The following XRN1 variants were observed in gnomAD, a reference collection of about 807,000 sequenced individuals.
XRN1 encodes strand-exchange protein 1 homolog.
In XRN1, 67 loss-of-function variants were observed where a neutral mutation model predicts 222.3. The ratio of observed to expected loss-of-function variants is 0.30; its 90% CI spans 0.25 to 0.37. XRN1 has a LOEUF of 0.37. Ranked by LOEUF, XRN1 falls within the 10% of genes least tolerant of loss-of-function variation. The pLI is 1.00. For missense variants in XRN1, 1,707 were observed against 2,000.2 expected, an observed-to-expected ratio of 0.85 and a Z score of 2.80; for synonymous variants, 643 against 652.4, an observed-to-expected ratio of 0.99 and a Z score of 0.22.
In XRN1 at chr3:142,384,718, T is replaced by C. The variant is rs376296557; in HGVS notation, c.2340-33A>G. The C allele has an allele frequency of 1.9e-5, 28 of 1,464,508 alleles. No homozygotes were observed. In the East Asian group the frequency reaches 3.8e-4, roughly 20 times the overall value. The allele number at this position is 1,464,508 out of a possible 1,614,324, so 90.7% of individuals were successfully genotyped here. On this transcript the variant is annotated intron_variant, in intron 20 of 40. Coordinates refer to ENST00000392981, the MANE Select transcript of XRN1 (RefSeq NM_001282857.2). ...AAAGAATAAACATGAAATATACATATGAATGAGTATGCAGATATTCTAGGA... is the reference window on the plus strand; with the variant it reads ...AAAGAATAAACATGAAATATACATACGAATGAGTATGCAGATATTCTAGGA...
chr3:142,439,263 A>G (rs990028518), intron 1 of XRN1, among the ~76,000 whole-genome samples: 4 of 152,196 alleles, frequency 2.6e-5, no homozygotes, highest in African/African-American at 9.7e-5. Context: ...GCAGCCCGAG[A>G]GTTTGGCAAT....
At chr3:142,420,781 T>C (rs915871349) in intron 10 of XRN1, among the ~76,000 whole-genome samples, 2 of 152,078 alleles carry the variant, frequency 1.3e-5, no homozygotes, top group South Asian at 4.1e-4. Flanking sequence ...TTTATTAACA[T>C]AAAACACAAT....
Position 142,365,307 on chromosome 3 carries a change from T to C in XRN1, c.3261+3A>G. ...ACTCTGAATTCTTTGATAGGAAACT[T>C]ACTCTGTATAGCAAATGGGGTTTCA... On this transcript the variant is annotated splice_donor_region_variant and intron_variant, in intron 28 of 40. Transcript: ENST00000392981. 6.3e-7 allele frequency: 1 copy of C among 1,592,892 alleles called. No individual in the cohort carries two copies. The highest frequency in any genetic ancestry group is 8.5e-7 in the Non-Finnish European group (1 of 1,170,600).
intron 1 of XRN1, among the ~76,000 whole-genome samples, chr3:142,446,173 C>T (rs1341055239): frequency 1.3e-5 from 2 of 152,202 alleles, no homozygotes; most frequent in Non-Finnish European, 2.9e-5. Context: ...GCTACTGAGG[C>T]CACACCACTG....
intron 37 of XRN1, among the ~76,000 whole-genome samples, chr3:142,327,236 G>A (rs1456943358): frequency 6.6e-6 from 1 of 151,958 alleles, no homozygotes; most frequent in Non-Finnish European, 1.5e-5. Context: ...ACCAGGTCCT[G>A]GTCTACTTTG....
rs1186653105 is a variant in XRN1, at chr3:142,384,624, G to A, written c.2401C>T (p.Leu801Phe). ...TTTATTTGATATTTACGACCTGTGA[G>A]TAACTGAGCATACACAACTGCAGAT... The part of the protein sequence containing the change: ...ETSAVVYAQL[L>F]TGRKYQINQN... Residue 801 changes from leucine (L) to phenylalanine (F), a missense_variant, in exon 21 of 41, where the codon CTC becomes TTC. Transcript: ENST00000392981. 2.5e-6 allele frequency: 4 copies of A among 1,611,512 alleles called. No homozygotes were observed. The highest frequency in any genetic ancestry group is 3.4e-6 in the Non-Finnish European group (4 of 1,178,942).
chr3:142,400,211 A>G (rs1351164414), intron 19 of XRN1, among the ~76,000 whole-genome samples: 1 of 152,252 alleles, frequency 6.6e-6, no homozygotes, highest in Non-Finnish European at 1.5e-5. Context: ...TAGAACTTCC[A>G]AGAAATTAAA....
chr3:142,447,042 A>G lies in XRN1; in HGVS notation c.75+828T>C, dbSNP rs140017432. Among the ~76,000 whole-genome samples, 637 of 152,326 alleles carry G rather than the reference A, an allele frequency of 4.2e-3. 12 individuals carry two copies. Among genetic ancestry groups the G allele is most frequent in the African/African-American group, 0.015 (617 of 41,558 alleles). ...CATTAAATGTGACAAACACCAAAGT[A>G]TCACCCAAAGTCTAGTTTACCTAAT... On this transcript the variant is annotated intron_variant, in intron 1 of 40. Transcript: ENST00000392981. This position sits in a 1 kb window ranked among gnomAD's most constrained non-coding sequence, Gnocchi z 4.2.
At chr3:142,333,190 A>C (rs1456708842) in intron 34 of XRN1, 101 bp from the exon 35 acceptor site, 2 of 1,310,644 alleles carry the variant, frequency 1.5e-6, no homozygotes, top group African/African-American at 3.0e-5. Context: ...ATTTTCACTC[A>C]ATCATCTTCC....
At chr3:142,364,091 T>C (rs566354829) in intron 29 of XRN1, among the ~76,000 whole-genome samples, 1 of 152,342 alleles carries the variant, frequency 6.6e-6, no homozygotes, top group South Asian at 2.1e-4. Flanking sequence ...ACAGGAAGAT[T>C]ACTTAACTTA....
intron 6 of XRN1, among the ~76,000 whole-genome samples, 176 bp from the exon 7 acceptor site, chr3:142,423,098 T>C (rs1490195240): frequency 6.6e-6 from 1 of 152,196 alleles, no homozygotes. Context: ...ATTGCAATAA[T>C]AGATAATACA....
chr3:142,385,359 C>G (rs1488132938), intron 20 of XRN1, among the ~76,000 whole-genome samples: 4 of 152,198 alleles, frequency 2.6e-5, no homozygotes, highest in Non-Finnish European at 2.9e-5. Context: ...ATGAAAGAAG[C>G]CTGATACAAA....
intron 36 of XRN1, among the ~76,000 whole-genome samples, chr3:142,330,586 C>T (rs1475208941): frequency 1.3e-5 from 2 of 148,348 alleles, no homozygotes; most frequent in African/African-American, 5.2e-5. Context: ...GACTCTAAAG[C>T]CTATGAGTTT....
At chr3:142,391,189 A>T (rs1577349183) in intron 20 of XRN1, among the ~76,000 whole-genome samples, 1 of 152,206 alleles carries the variant, frequency 6.6e-6, no homozygotes, top group East Asian at 1.9e-4. Context: ...TGGCACTGAT[A>T]GAGTTGCAAC....
chr3:142,380,105 C>A lies in XRN1; in HGVS notation c.2692G>T (p.Asp898Tyr). ...IFSIPCEPNL[D>Y]ALIQNQHKYS... ...ACATGCTGGTTCTGTATTAAAGCAT[C>A]AAGATTGGGTTCACATGGAATGCTG... Residue 898 changes from aspartate to tyrosine, a missense_variant, in exon 23 of 41, where the codon GAT becomes TAT. Asp to Tyr is a radical substitution (Grantham distance 160). This residue lies in a region of XRN1 where 1,234 missense variants were observed against 1,518.2 expected (regional missense o/e 0.81). Transcript: ENST00000392981. The A allele has an allele frequency of 6.2e-7, 1 of 1,613,778 alleles. No homozygotes were observed. Among genetic ancestry groups the A allele is most frequent in the South Asian group, 1.1e-5 (1 of 91,066 alleles).
chr3:142,379,341 T>C lies in XRN1; in HGVS notation c.2715+741A>G, dbSNP rs117351771. 5.1e-4 allele frequency among the ~76,000 whole-genome samples: 77 copies of C among 152,246 alleles called. No individual in the cohort carries two copies. In the East Asian group the frequency reaches 0.012, roughly 24 times the overall value. ...GAAAATAATCTCTAATCTAGGATTCTACACCCAGGCAAACTATCAATCAAG... is the reference window on the plus strand; with the variant it reads ...GAAAATAATCTCTAATCTAGGATTCCACACCCAGGCAAACTATCAATCAAG... On this transcript the variant is annotated intron_variant, in intron 23 of 40. Coordinates refer to ENST00000392981, the MANE Select transcript of XRN1 (RefSeq NM_001282857.2).
chr3:142,383,228 C>T, intron 22 of XRN1, 72 bp downstream of exon 22: 4 of 1,162,546 alleles, frequency 3.4e-6, no homozygotes, highest in East Asian at 2.4e-5. Context: ...TAATTTAAAC[C>T]TAAATGAAGA....
chr3:142,407,851 T>G (rs1334705520), intron 15 of XRN1: 2 of 152,246 alleles, frequency 1.3e-5, no homozygotes, highest in Non-Finnish European at 2.9e-5. Flanking sequence ...GATAGATCTG[T>G]TTGTTTCATT....
intron 6 of XRN1, 61 bp from the exon 7 acceptor site, chr3:142,422,983 A>T: frequency 3.0e-6 from 4 of 1,325,036 alleles, no homozygotes; most frequent in African/African-American, 1.5e-5. Flanking sequence ...CAGCTTAAAA[A>T]TGTAACAAAG....
Sources: allele counts gnomAD v4.1 joint callset (sites outside exome capture counted in the v4.1 genomes callset), GRCh38; gene constraint gnomAD v4.1.1; regional missense constraint gnomAD v4.1.1; non-coding constraint Gnocchi (gnomAD v3.1); transcripts MANE v1.5; gene names NCBI Gene and HGNC (gene_info 2026-07-23, HGNC 2026-07-21).